Variants in IL1RAPL1 observed in about 807,000 individuals in gnomAD.
IL1RAPL1 encodes interleukin 1 receptor accessory protein like 1, also known as interleukin-1 receptor accessory protein-like 1.
In IL1RAPL1, 3 loss-of-function variants were observed where a neutral mutation model predicts 48.4. The ratio of observed to expected loss-of-function variants is 0.06; its 90% CI spans 0.03 to 0.16. The LOEUF is 0.16. IL1RAPL1 is among the 10% of genes least tolerant of loss of function. IL1RAPL1 has a pLI of 1.00. For synonymous variants in IL1RAPL1, 185 were observed against 187.7 expected (o/e 0.99, Z 0.12); for missense variants, 349 against 530.6 (o/e 0.66, Z 3.36).
At chrX:29,930,242 A>C (rs1344014824) in intron 8 of IL1RAPL1, among the ~76,000 whole-genome samples, 1 of 112,298 alleles carries the variant, frequency 8.9e-6, no homozygotes, top group Non-Finnish European at 1.9e-5. Context: ...TGTTTAAAAA[A>C]TTCCTGTTAG....
intron 6 of IL1RAPL1, among the ~76,000 whole-genome samples, chrX:29,902,249 G>C (rs752689887): frequency 5.4e-5 from 6 of 110,941 alleles, no homozygotes; most frequent in Non-Finnish European, 1.1e-4. Context: ...GGGCATCTGG[G>C]TGTTAAATGT....
chrX:29,879,035 CAACTGCG>C (rs1341092238), intron 6 of IL1RAPL1, among the ~76,000 whole-genome samples: 1 of 110,961 alleles, frequency 9.0e-6, no homozygotes, highest in Admixed American at 9.6e-5. Flanking sequence ...GGATAAAAAC[CAACTGCG>C]ATACAGACAT....
intron 5 of IL1RAPL1, among the ~76,000 whole-genome samples, chrX:29,661,885 C>T (rs1232392810): frequency 9.0e-6 from 1 of 111,518 alleles, no homozygotes; most frequent in African/African-American, 3.3e-5. Flanking sequence ...CCACCACCAA[C>T]ACTGTGCCGT....
At chrX:29,672,997 G>A (rs1926179153) in intron 6 of IL1RAPL1, among the ~76,000 whole-genome samples, 1 of 111,632 alleles carries the variant, frequency 9.0e-6, no homozygotes, top group Non-Finnish European at 1.9e-5. Flanking sequence ...TCCAATATAT[G>A]CAATTTTATC....
At chrX:29,724,242 CTCTTGCTCACA>C (rs1161705859) in intron 6 of IL1RAPL1, among the ~76,000 whole-genome samples, 7 of 111,795 alleles carry the variant, frequency 6.3e-5, no homozygotes, top group African/African-American at 2.3e-4. Context: ...CCTCACTGTA[CTCTTGCTCACA>C]TTTTGTCCCT....
At chrX:29,073,987 A>C (rs1184338563) in intron 2 of IL1RAPL1, among the ~76,000 whole-genome samples, 1 of 111,367 alleles carries the variant, frequency 9.0e-6, no homozygotes, top group Non-Finnish European at 1.9e-5. Flanking sequence ...TCTTAACAGA[A>C]GGGGTTTTAC....
intron 2 of IL1RAPL1, among the ~76,000 whole-genome samples, chrX:28,911,829 T>G (rs954559324): frequency 9.2e-6 from 1 of 108,375 alleles, no homozygotes; most frequent in East Asian, 2.9e-4. Context: ...TCAGGGACTT[T>G]GGATTTGTGT....
chrX:29,702,030 G>A (rs746516292), intron 6 of IL1RAPL1, among the ~76,000 whole-genome samples: 4 of 111,243 alleles, frequency 3.6e-5, no homozygotes, highest in East Asian at 2.8e-4. Flanking sequence ...CGAGGTAGGC[G>A]GATCACCTGT....
intron 9 of IL1RAPL1, among the ~76,000 whole-genome samples, chrX:29,946,570 ATATT>A (rs1933216738): frequency 8.9e-6 from 1 of 112,448 alleles, no homozygotes; most frequent in Non-Finnish European, 1.9e-5. Flanking sequence ...TGCCAGAAAA[ATATT>A]TATTAGCAGA....
chrX:29,648,164 T>A (rs751098159), intron 5 of IL1RAPL1, among the ~76,000 whole-genome samples: 4 of 111,195 alleles, frequency 3.6e-5, no homozygotes, highest in Non-Finnish European at 7.6e-5. Flanking sequence ...TAGTAATAGA[T>A]CTGAAAGGAG....
intron 6 of IL1RAPL1, among the ~76,000 whole-genome samples, chrX:29,715,771 T>A (rs1329023163): frequency 8.9e-6 from 1 of 112,158 alleles, no homozygotes. Flanking sequence ...TACCTGTGGA[T>A]CTATGGTTTC....
chrX:29,623,732 C>A (rs372501751), intron 5 of IL1RAPL1, among the ~76,000 whole-genome samples: 9 of 112,091 alleles, frequency 8.0e-5, no homozygotes, highest in African/African-American at 2.9e-4. Context: ...AAAGCAAACA[C>A]CTGGTTTGCT....
intron 5 of IL1RAPL1, among the ~76,000 whole-genome samples, chrX:29,663,635 T>G (rs886538348): frequency 4.5e-5 from 5 of 112,283 alleles, no homozygotes; most frequent in African/African-American, 1.6e-4. Flanking sequence ...GTACATTGCC[T>G]TGCATATTTA....
intron 5 of IL1RAPL1, among the ~76,000 whole-genome samples, chrX:29,490,941 A>G (rs1476764284): frequency 2.7e-5 from 3 of 109,542 alleles, no homozygotes; most frequent in Non-Finnish European, 5.7e-5. Flanking sequence ...TATGCACTTA[A>G]TGTAATTGTC....
At chrX:28,874,609 C>T (rs1034208480) in intron 2 of IL1RAPL1, among the ~76,000 whole-genome samples, 2 of 111,975 alleles carry the variant, frequency 1.8e-5, no homozygotes, top group African/African-American at 6.5e-5. Flanking sequence ...TTCACACTTT[C>T]AATAATGTTT....
intron 6 of IL1RAPL1, among the ~76,000 whole-genome samples, chrX:29,740,840 T>C (rs760570791): frequency 2.7e-5 from 3 of 112,385 alleles, no homozygotes; most frequent in African/African-American, 6.5e-5. Flanking sequence ...ATCACTCCAG[T>C]ATATACATTA....
chrX:29,381,846 A>C (rs1351549632), intron 3 of IL1RAPL1, among the ~76,000 whole-genome samples: 3 of 43,504 alleles, frequency 6.9e-5, no homozygotes, highest in Non-Finnish European at 2.2e-4. Context: ...ATATATATAT[A>C]TATATATATA....
rs193283899 is a variant in IL1RAPL1 at position 29,207,269 on chromosome X, A to G, written c.83-75669A>G. 5.3e-5 allele frequency among the ~76,000 whole-genome samples: 6 copies of G among 112,318 alleles called. No individual in the cohort carries two copies. The East Asian group carries it at 1.7e-3, about 31-fold the overall frequency. ...GTCATCAAAGATAAAGTAAAATAAC[A>G]TAAATGATTGAGGTTGAATTATCTG... On this transcript the variant is annotated intron_variant, in intron 2 of 10. Coordinates refer to ENST00000378993, the MANE Select transcript of IL1RAPL1 (RefSeq NM_014271.4).
chrX:29,252,034 G>C (rs111849734), intron 2 of IL1RAPL1, among the ~76,000 whole-genome samples: 1 of 64,816 alleles, frequency 1.5e-5, no homozygotes, highest in Non-Finnish European at 3.4e-5. Flanking sequence ...CAAACACCGC[G>C]TGTTCTCACT....
Sources: gnomAD v4.1 joint callset for allele counts (sites outside exome capture counted in the v4.1 genomes callset) on GRCh38, gnomAD v4.1.1 for gene constraint, MANE v1.5 for transcripts, NCBI Gene and HGNC (gene_info 2026-07-23, HGNC 2026-07-21) for gene names.